Variants in NUDT8 observed in about 807,000 individuals in gnomAD.
NUDT8 encodes mitochondrial coenzyme A diphosphatase NUDT8.
Under a neutral mutation model 12.5 loss-of-function variants are expected in NUDT8, and 14 were observed. The observed-to-expected ratio is 1.12, with a 90% CI of 0.74 to 1.75. NUDT8 has a LOEUF of 1.75. Ranked by LOEUF, NUDT8 falls within the 40% of genes most tolerant of loss-of-function variation. The pLI is 0.00. For synonymous variants in NUDT8, 163 were observed against 156.2 expected (o/e 1.04, Z -0.33); for missense variants, 337 against 318.5 (o/e 1.06, Z -0.44).
chr11:67,628,819 G>A (rs539097256), intron 2 of NUDT8, 100 bp downstream of exon 2: 84 of 1,448,454 alleles, frequency 5.8e-5, no homozygotes, highest in African/African-American at 3.0e-4. Flanking sequence ...CTTTGTGCCC[G>A]TGGGGGTCCA....
chr11:67,629,732 G>A lies in NUDT8; in HGVS notation c.180C>T (p.His60=). 1 of 1,535,324 alleles carries A rather than the reference G, an allele frequency of 6.5e-7. No individual in the cohort carries two copies. The highest frequency in any genetic ancestry group is 8.7e-7 in the Non-Finnish European group (1 of 1,145,654). ...GGCCGCTGTACCTGACGTCGCCCTT[G>A]TGCCTCCCGGTCAGGCGGCTGGACC... The part of the protein sequence containing the change: ...TLRSSRLTGR[H]KGDVSFPGGK... Residue 60 remains histidine, a synonymous_variant, in exon 1 of 4, where the codon CAC becomes CAT. Coordinates refer to ENST00000376693, the MANE Select transcript of NUDT8 (RefSeq NM_001243750.2).
In NUDT8 at chr11:67,627,995, G is replaced by A. The variant is rs777515870; in HGVS notation, c.662C>T (p.Ala221Val). 3 of 1,597,466 alleles carry A rather than the reference G, an allele frequency of 1.9e-6. No individual in the cohort carries two copies. The highest frequency in any genetic ancestry group is 2.5e-6 in the Non-Finnish European group (3 of 1,179,206). Residue 221 changes from alanine (A) to valine (V), a missense_variant, in exon 4 of 4, where the codon GCT becomes GTT. Transcript: ENST00000376693. The part of the protein sequence containing the change: ...EGLARPKQPL[A>V]SPCQASSTPG... ...AGTGGAGCTGGCCTGACAGGGTGAA[G>A]CCAGGGGCTGCTTAGGGCGGGCCAG... is the stretch of plus-strand genomic sequence containing the variant.
intron 1 of NUDT8, 103 bp downstream of exon 1, chr11:67,629,615 G>A: frequency 1.8e-6 from 1 of 563,740 alleles, no homozygotes; most frequent in Admixed American, 4.4e-5. Flanking sequence ...TTACGGAGGC[G>A]GAAACCGAGG....
At chr11:67,628,848 C>T (rs756385510) in intron 2 of NUDT8, 71 bp downstream of exon 2, 77 of 1,538,918 alleles carry the variant, frequency 5.0e-5, no homozygotes, top group Non-Finnish European at 6.6e-5. Flanking sequence ...CTCCTGGTCC[C>T]TGGTAGCCCA....
At chr11:67,629,125 G>C (rs1310349473) in intron 1 of NUDT8, 74 bp from the exon 2 acceptor site, 1 of 1,458,128 alleles carries the variant, frequency 6.9e-7, no homozygotes, top group Non-Finnish European at 9.3e-7. Context: ...CAGTGCGGGG[G>C]GGGCCACTGG....
chr11:67,628,287 T>C, intron 3 of NUDT8, 36 bp from the exon 4 acceptor site: 2 of 1,613,748 alleles, frequency 1.2e-6, no homozygotes, highest in Non-Finnish European at 1.7e-6. Context: ...GACAGAGGAC[T>C]GGAACAGCCC....
chr11:67,629,930 G>T lies in NUDT8; in HGVS notation c.-19C>A, dbSNP rs1200591432. 1.6e-6 allele frequency: 2 copies of T among 1,220,288 alleles called. No homozygotes were observed. Among genetic ancestry groups the T allele is most frequent in the Non-Finnish European group, 2.0e-6 (2 of 982,154 alleles). 75.6% of individuals were successfully genotyped at this position (1,220,288 alleles called of 1,614,324 possible). A position where few individuals can be genotyped will look rare whatever the true frequency, so the allele number is the denominator to read the frequency against. On this transcript the variant is annotated 5_prime_UTR_variant, in exon 1 of 4. Coordinates refer to ENST00000376693, the MANE Select transcript of NUDT8 (RefSeq NM_001243750.2). The stretch of plus-strand genomic sequence containing the variant: ...GCAGCATGTCAAGTCCTGCGCGGCC[G>T]GGACACTGAGGGCGCGGGATCGGGC...
In NUDT8 at chr11:67,629,822, C is replaced by G. The variant is rs1381822354; in HGVS notation, c.90G>C (p.Ala30=). The G allele has an allele frequency of 3.1e-5, 43 of 1,387,842 alleles. No homozygotes were observed. The highest frequency in any genetic ancestry group is 4.0e-5 in the Non-Finnish European group (43 of 1,071,616). 86.0% of individuals were successfully genotyped at this position (1,387,842 alleles called of 1,614,324 possible). A position where few individuals can be genotyped will look rare whatever the true frequency, so the allele number is the denominator to read the frequency against. ...AGAGCGGCACGAGCACCGCGGCCGACGCGGGCCGCGCGCGGAGCCGGGCCG... is the reference window on the plus strand; with the variant it reads ...AGAGCGGCACGAGCACCGCGGCCGAGGCGGGCCGCGCGCGGAGCCGGGCCG... ...GATARLRARP[A]SAAVLVPLCS... Residue 30 remains alanine, a synonymous_variant, in exon 1 of 4, where the codon GCG becomes GCC. Transcript: ENST00000376693.
Position 67,628,159 on chromosome 11 carries a change from G to T in NUDT8, c.498C>A (p.Tyr166Ter). Residue 166 changes from tyrosine (Y) to a stop codon, truncating the protein, a stop_gained, in exon 4 of 4, where the codon TAC (tyrosine) becomes TAA (stop). Coordinates refer to ENST00000376693, the MANE Select transcript of NUDT8 (RefSeq NM_001243750.2). LOFTEE classifies it low-confidence loss of function (END_TRUNC). The stretch of plus-strand genomic sequence containing the variant: ...GTCCATGCAGGAAGACGGGTAGTGT[G>T]TAGCGGAAGTGGCCACCCCGGCAGA... ...THFCRGGHFR[Y>*]TLPVFLHGPH... The T allele has an allele frequency of 3.7e-6, 6 of 1,603,586 alleles. No homozygotes were observed. Among genetic ancestry groups the T allele is most frequent in the Non-Finnish European group, 5.1e-6 (6 of 1,179,824 alleles).
At position 67,628,415 on chromosome 11, in the gene NUDT8, A is replaced by G; in HGVS notation, c.328-15T>C. ...GTGGCCTTTTGCTGGGGAAGAGGGC[A>G]GGTGGTCAGGGAAGCATGGCCTTCG... On this transcript the variant is annotated splice_polypyrimidine_tract_variant and intron_variant, in intron 2 of 3. Coordinates refer to ENST00000376693, the MANE Select transcript of NUDT8 (RefSeq NM_001243750.2). The G allele has an allele frequency of 1.2e-6, 2 of 1,611,308 alleles. No individual in the cohort carries two copies. Among genetic ancestry groups the G allele is most frequent in the Non-Finnish European group, 1.7e-6 (2 of 1,178,276 alleles).
chr11:67,628,243 C>T lies in NUDT8; in HGVS notation c.414G>A (p.Glu138=), dbSNP rs7124513. 0.3 allele frequency: 491,145 copies of T among 1,612,576 alleles called. 78,141 individuals carry two copies. The highest frequency in any genetic ancestry group is 0.45 in the Admixed American group (26,938 of 59,946). ...SLRPNSEEVD[E]VFALPLAHLL... Reference sequence around the variant, plus strand: ...GGTGGGCCAGCGGCAGTGCAAACACCTCATCTACCTGCAGGCAGGAGGCAG... The same window carrying T: ...GGTGGGCCAGCGGCAGTGCAAACACTTCATCTACCTGCAGGCAGGAGGCAG... The change falls in exon 4 of 4, where the codon GAG becomes GAA. Residue 138 remains glutamate (E), a synonymous_variant. Coordinates refer to ENST00000376693, the MANE Select transcript of NUDT8 (RefSeq NM_001243750.2).
At chr11:67,629,267 A>T in intron 1 of NUDT8, 1 of 504,086 alleles carries the variant, frequency 2.0e-6, no homozygotes, top group Non-Finnish European at 3.5e-6. Context: ...AGCGCAGGAT[A>T]AGAGGGTCTG....
rs138271599 is a variant in NUDT8, at chr11:67,629,021, G to T, written c.225C>A (p.Asp75Glu). 2.5e-6 allele frequency: 4 copies of T among 1,612,698 alleles called. No individual in the cohort carries two copies. The East Asian group carries it at 8.9e-5, about 36-fold the overall frequency. ...GCAGGGCCGTGTGCACCACATCTTGGTCAGCCGGGTCGCACTTGCCGCCTG... is the reference window on the plus strand; with the variant it reads ...GCAGGGCCGTGTGCACCACATCTTGTTCAGCCGGGTCGCACTTGCCGCCTG... The part of the protein sequence containing the change: ...SFPGGKCDPA[D>E]QDVVHTALRE... The change falls in exon 2 of 4, where the codon GAC becomes GAA. Residue 75 changes from aspartate (D) to glutamate (E), a missense_variant. Transcript: ENST00000376693.
intron 2 of NUDT8, 45 bp downstream of exon 2, chr11:67,628,874 C>G (rs932445845): frequency 1.3e-5 from 20 of 1,576,538 alleles, no homozygotes; most frequent in Non-Finnish European, 1.7e-5. Flanking sequence ...AGGGCAGGCA[C>G]AGAGTGAGTG....
chr11:67,628,516 C>A (rs1227413367), intron 2 of NUDT8, 116 bp from the exon 3 acceptor site: 5 of 830,990 alleles, frequency 6.0e-6, no homozygotes, highest in African/African-American at 1.7e-5. Flanking sequence ...TAGTCATGTT[C>A]GGGTCCACCT....
In NUDT8 at chr11:67,629,040, C is replaced by T. The variant is rs754104617; in HGVS notation, c.206G>A (p.Gly69Asp). The T allele has an allele frequency of 2.5e-6, 4 of 1,611,104 alleles. No individual in the cohort carries two copies. The South Asian group carries it at 3.3e-5, about 13-fold the overall frequency. ...ATCTTGGTCAGCCGGGTCGCACTTG[C>T]CGCCTGGGAAACTAAACAGACACAA... ...RHKGDVSFPG[G>D]KCDPADQDVV... The change falls in exon 2 of 4, where the codon GGC becomes GAC. Residue 69 changes from glycine (G) to aspartate (D), a missense_variant. By Grantham distance (94) the Gly-to-Asp change is moderately conservative. Transcript: ENST00000376693.
intron 2 of NUDT8, 30 bp downstream of exon 2, chr11:67,628,889 G>A: frequency 6.3e-7 from 1 of 1,589,092 alleles, no homozygotes; most frequent in Non-Finnish European, 8.6e-7. Context: ...TGAGTGAATG[G>A]GGTGGGGTGG....
At position 67,628,380 on chromosome 11, in the gene NUDT8, TG is replaced by T; in HGVS notation, c.347del (p.Pro116GlnfsTer6). 6.2e-7 allele frequency: 1 copy of T among 1,613,802 alleles called. No individual in the cohort carries two copies. Among genetic ancestry groups the T allele is most frequent in the South Asian group, 1.1e-5 (1 of 91,080 alleles). ...VYDPQKATVV[P>X]VLAGVGPLDP... ...CCAGTGGGCCTACACCAGCAAGCAC[TG>T]GCACCACGGTGGCCTTTTGCTGGGG... On this transcript the variant is annotated frameshift_variant, in exon 3 of 4. Transcript: ENST00000376693. LOFTEE classifies it high-confidence loss of function.
chr11:67,628,129 G>T lies in NUDT8; in HGVS notation c.528C>A (p.His176Gln), dbSNP rs759062790. The stretch of plus-strand genomic sequence containing the variant: ...TGACAGCTGTGAGGCCCCAGACCCG[G>T]TGTGGTCCATGCAGGAAGACGGGTA... ...YTLPVFLHGP[H>Q]RVWGLTAVIT... The change falls in exon 4 of 4, where the codon CAC becomes CAA. Residue 176 changes from histidine to glutamine, a missense_variant. Transcript: ENST00000376693. The T allele has an allele frequency of 1.3e-6, 2 of 1,599,606 alleles. No individual in the cohort carries two copies. Among genetic ancestry groups the T allele is most frequent in the Non-Finnish European group, 1.7e-6 (2 of 1,179,816 alleles).
Sources: gnomAD v4.1 joint callset for allele counts on GRCh38, gnomAD v4.1.1 for gene constraint, MANE v1.5 for transcripts, NCBI Gene and HGNC (gene_info 2026-07-23, HGNC 2026-07-21) for gene names.